The following LARS1 variants were observed in gnomAD, a reference collection of about 807,000 sequenced individuals.
LARS1 encodes the protein leucyl-tRNA synthetase 1.
LARS1 carries 100 observed loss-of-function variants against 162.8 expected under a neutral mutation model. The observed-to-expected ratio is 0.61, with a 90% CI of 0.52 to 0.73. LARS1 has a LOEUF of 0.73. Ranked by LOEUF, LARS1 falls within the 30% of genes least tolerant of loss-of-function variation. The pLI is 0.00. For missense variants in LARS1, 1,258 were observed against 1,408.9 expected (o/e 0.89, Z 1.71); for synonymous variants, 457 against 462.8 (o/e 0.99, Z 0.16).
intron 14 of LARS1, 127 bp downstream of exon 14, chr5:146,151,735 T>C (rs1753299194): frequency 2.4e-6 from 2 of 846,134 alleles, no homozygotes; most frequent in Non-Finnish European, 3.6e-6. Flanking sequence ...TAGAATACAT[T>C]CTCATATTAA....
chr5:146,175,285 C>G (rs965914924), intron 2 of LARS1, among the ~76,000 whole-genome samples: 42 of 151,752 alleles, frequency 2.8e-4, no homozygotes, highest in Admixed American at 1.1e-3. Context: ...GTGGCTCACG[C>G]GTGTAATCCC....
chr5:146,163,738 CTGTT>C (rs1581071375), intron 6 of LARS1, among the ~76,000 whole-genome samples: 1 of 152,192 alleles, frequency 6.6e-6, no homozygotes, highest in African/African-American at 2.4e-5. Context: ...ACTTGGCTGA[CTGTT>C]TGGCACAACA....
intron 2 of LARS1, among the ~76,000 whole-genome samples, chr5:146,173,287 A>T (rs1194555070): frequency 6.6e-6 from 1 of 151,906 alleles, no homozygotes; most frequent in African/African-American, 2.4e-5. Flanking sequence ...TGAGAGGCAG[A>T]GGTTGCAATG....
In LARS1 at chr5:146,132,889, A is replaced by G; in HGVS notation, c.2396+9T>C. 2.5e-6 allele frequency: 4 copies of G among 1,610,992 alleles called. No homozygotes were observed. The highest frequency in any genetic ancestry group is 3.4e-6 in the Non-Finnish European group (4 of 1,177,818). ...CTAAAACACAAAATGATTGGGATCT[A>G]CAGATTACCTGGCAAAAACTCTATC... is the stretch of plus-strand genomic sequence containing the variant. On this transcript the variant is annotated intron_variant, in intron 23 of 31. Transcript: ENST00000394434.
chr5:146,137,631 T>C (rs1752571757), intron 21 of LARS1: 1 of 170,882 alleles, frequency 5.9e-6, no homozygotes, highest in Non-Finnish European at 1.2e-5. Flanking sequence ...ACTAATTTAG[T>C]GGCCAGTCAC....
intron 2 of LARS1, among the ~76,000 whole-genome samples, chr5:146,174,974 C>T (rs1012410020): frequency 2.0e-5 from 3 of 152,148 alleles, no homozygotes; most frequent in African/African-American, 7.2e-5. Flanking sequence ...AATCCCGGCA[C>T]TTTGGGAGGC....
chr5:146,140,102 T>A, intron 21 of LARS1, 102 bp downstream of exon 21: 1 of 899,512 alleles, frequency 1.1e-6, no homozygotes, highest in African/African-American at 1.7e-5. Flanking sequence ...GCACCACACC[T>A]GGACACATTA....
chr5:146,149,316 C>T (rs750217839), intron 15 of LARS1, among the ~76,000 whole-genome samples: 6 of 151,964 alleles, frequency 3.9e-5, no homozygotes, highest in East Asian at 1.9e-4. Context: ...GAGAGGAGGA[C>T]GACAGAAACA....
At chr5:146,126,106 T>C (rs1581010991) in intron 28 of LARS1, among the ~76,000 whole-genome samples, 3 of 152,144 alleles carry the variant, frequency 2.0e-5, no homozygotes, top group Non-Finnish European at 2.9e-5. Context: ...TGAATCCTGG[T>C]TCCAGGAATA....
intron 29 of LARS1, among the ~76,000 whole-genome samples, chr5:146,123,331 A>G (rs528209201): frequency 6.6e-6 from 1 of 152,052 alleles, no homozygotes; most frequent in South Asian, 2.1e-4. Flanking sequence ...CAGCTTATTT[A>G]CGATCTATAT....
Position 146,113,972 on chromosome 5 carries a change from C to T in LARS1, c.*134G>A. On this transcript the variant is annotated 3_prime_UTR_variant, in exon 32 of 32. Coordinates refer to ENST00000394434, the MANE Select transcript of LARS1 (RefSeq NM_020117.11). Reference sequence around the variant, plus strand: ...AGATGACTTGATAGAATTATGAATACATGCAGAATTGGATGGTTAGAAATG... The same window carrying T: ...AGATGACTTGATAGAATTATGAATATATGCAGAATTGGATGGTTAGAAATG... The T allele has an allele frequency of 1.4e-6, 1 of 697,642 alleles. No individual in the cohort carries two copies. The highest frequency in any genetic ancestry group is 2.5e-6 in the Non-Finnish European group (1 of 401,988). The allele number at this position is 697,642 out of a possible 1,614,324, so 43.2% of individuals were successfully genotyped here. A position where few individuals can be genotyped will look rare whatever the true frequency, so the allele number is the denominator to read the frequency against.
Position 146,168,133 on chromosome 5 carries a change from T to C in LARS1, c.427A>G (p.Lys143Glu), listed in dbSNP as rs141248045. The change falls in exon 5 of 32, where the codon AAA becomes GAA. Residue 143 changes from lysine (K) to glutamate (E), a missense_variant. Transcript: ENST00000394434. ...DIIIKDKAKG[K>E]KSKAAAKAGS... Reference sequence around the variant, plus strand: ...AATATCAACCACTATCAAACCTTTTTTCCTTTAGCTTTATCCTTAATTATT... The same window carrying C: ...AATATCAACCACTATCAAACCTTTTCTCCTTTAGCTTTATCCTTAATTATT... 1.1e-4 allele frequency: 180 copies of C among 1,599,250 alleles called. No individual in the cohort carries two copies. The highest frequency in any genetic ancestry group is 1.5e-4 in the Non-Finnish European group (174 of 1,171,930).
At chr5:146,119,283 C>A (rs934886706) in intron 31 of LARS1, among the ~76,000 whole-genome samples, 2 of 152,160 alleles carry the variant, frequency 1.3e-5, no homozygotes, top group African/African-American at 4.8e-5. Flanking sequence ...ACACAGTTGT[C>A]TCTACAAACA....
At chr5:146,117,143 T>A (rs1751586966) in intron 31 of LARS1, among the ~76,000 whole-genome samples, 1 of 152,132 alleles carries the variant, frequency 6.6e-6, no homozygotes, top group Non-Finnish European at 1.5e-5. Context: ...GAGATAAGAA[T>A]TATGCCAAAG....
intron 20 of LARS1, among the ~76,000 whole-genome samples, 193 bp from the exon 21 acceptor site, chr5:146,140,454 G>A (rs760442730): frequency 2.0e-5 from 3 of 152,176 alleles, no homozygotes; most frequent in Non-Finnish European, 4.4e-5. Flanking sequence ...TAGGATACAG[G>A]TATACAATGA....
At chr5:146,115,088 A>G (rs980426847) in intron 31 of LARS1, among the ~76,000 whole-genome samples, 3 of 151,410 alleles carry the variant, frequency 2.0e-5, no homozygotes, top group African/African-American at 7.3e-5. Flanking sequence ...AGCAAAGCTA[A>G]AATGTAGCAA....
chr5:146,157,042 A>C (rs1753559261), intron 10 of LARS1, among the ~76,000 whole-genome samples: 1 of 152,188 alleles, frequency 6.6e-6, no homozygotes, highest in Non-Finnish European at 1.5e-5. Flanking sequence ...CATAATGTTA[A>C]GCAAAAGAAG....
chr5:146,157,673 G>A (rs763169798), intron 9 of LARS1, 45 bp from the exon 10 acceptor site: 5 of 1,612,270 alleles, frequency 3.1e-6, no homozygotes, highest in Non-Finnish European at 3.4e-6. Context: ...TGTCAACTCT[G>A]TAACAACTAT....
intron 31 of LARS1, among the ~76,000 whole-genome samples, chr5:146,116,366 A>G (rs1764210060): frequency 6.6e-6 from 1 of 151,826 alleles, no homozygotes; most frequent in African/African-American, 2.4e-5. Flanking sequence ...TCTCTCATAC[A>G]CACACACTCT....
Sources: gnomAD v4.1 joint callset for allele counts (sites outside exome capture counted in the v4.1 genomes callset) on GRCh38, gnomAD v4.1.1 for gene constraint, MANE v1.5 for transcripts, NCBI Gene and HGNC (gene_info 2026-07-23, HGNC 2026-07-21) for gene names.